The following CPNE4 variants were observed in gnomAD, a reference collection of about 807,000 sequenced individuals.
CPNE4 encodes the protein copine 4, also known as copine-4.
A neutral mutation model predicts 67.9 loss-of-function variants in CPNE4; 25 were observed. That is an observed-to-expected ratio of 0.37 (90% confidence interval 0.27 to 0.51). The LOEUF is 0.51. Among genes scored for constraint, CPNE4 ranks in the 20% least tolerant of loss-of-function variants. The pLI, the probability that CPNE4 is intolerant of heterozygous loss-of-function variation, is 0.93. For missense variants in CPNE4, 464 were observed against 690.8 expected (o/e 0.67, Z 3.68); for synonymous variants, 242 against 244.9 (o/e 0.99, Z 0.11).
intron 1 of CPNE4, among the ~76,000 whole-genome samples, chr3:132,010,317 A>C (rs531106421): frequency 6.6e-6 from 1 of 152,332 alleles, no homozygotes; most frequent in East Asian, 1.9e-4. Context: ...CCAAGCACTG[A>C]TTATTATGGT....
chr3:132,006,951 A>G (rs567003875), intron 1 of CPNE4, among the ~76,000 whole-genome samples: 2 of 152,298 alleles, frequency 1.3e-5, no homozygotes, highest in African/African-American at 4.8e-5. Context: ...GTTGGATGTA[A>G]TTCCCCTGCT....
At position 131,587,483 on chromosome 3, in the gene CPNE4, C is replaced by T. The variant is rs1196269515; in HGVS notation, c.780+1G>A. ...AAAACCAAAAGTGGTTGACCATGTA[C>T]CTGTTTCCCTTCCATTGCTCCTCTC... is the stretch of plus-strand genomic sequence containing the variant. On this transcript the variant is annotated splice_donor_variant, in intron 8 of 15. Transcript: ENST00000429747. LOFTEE classifies it high-confidence loss of function. 6.2e-7 allele frequency: 1 copy of T among 1,611,914 alleles called. No homozygotes were observed. The highest frequency in any genetic ancestry group is 8.5e-7 in the Non-Finnish European group (1 of 1,178,144).
At chr3:131,952,035 T>C (rs1340071716) in intron 1 of CPNE4, among the ~76,000 whole-genome samples, 2 of 147,574 alleles carry the variant, frequency 1.4e-5, no homozygotes, top group African/African-American at 2.5e-5. Context: ...TCGTCTGGGA[T>C]GTGAGGAGCC....
At chr3:131,691,169 A>G (rs1437209126) in intron 5 of CPNE4, among the ~76,000 whole-genome samples, 1 of 152,194 alleles carries the variant, frequency 6.6e-6, no homozygotes, top group Non-Finnish European at 1.5e-5. Flanking sequence ...AGCTTAAAAC[A>G]GAACTACCGT....
chr3:131,927,672 C>A (rs1225046), intron 1 of CPNE4, among the ~76,000 whole-genome samples: 1 of 151,936 alleles, frequency 6.6e-6, no homozygotes, highest in Non-Finnish European at 1.5e-5. Context: ...CTTTTTGTCC[C>A]CTGTGTAAAA....
At chr3:131,795,682 T>G (rs1396531888) in intron 2 of CPNE4, among the ~76,000 whole-genome samples, 1 of 152,198 alleles carries the variant, frequency 6.6e-6, no homozygotes, top group Non-Finnish European at 1.5e-5. Flanking sequence ...TGCTTCACAT[T>G]TGTCATCAGA....
chr3:131,610,265 A>G (rs901620170), intron 7 of CPNE4, among the ~76,000 whole-genome samples: 2 of 152,224 alleles, frequency 1.3e-5, no homozygotes, highest in African/African-American at 2.4e-5. Context: ...AGCAACTACA[A>G]TGCAGCATTG....
intron 2 of CPNE4, among the ~76,000 whole-genome samples, chr3:131,868,059 A>G (rs1295781570): frequency 2.6e-5 from 4 of 152,216 alleles, no homozygotes; most frequent in African/African-American, 9.7e-5. Flanking sequence ...ACTGCCAAAA[A>G]TACAGGATTT....
At chr3:131,561,936 C>T (rs755639746) in intron 11 of CPNE4, among the ~76,000 whole-genome samples, 31 of 151,998 alleles carry the variant, frequency 2.0e-4, no homozygotes, top group Non-Finnish European at 3.7e-4. Context: ...TGGAGTTTTT[C>T]AATCCTCCTT....
At chr3:131,671,521 C>T (rs920069011) in intron 6 of CPNE4, among the ~76,000 whole-genome samples, 2 of 150,900 alleles carry the variant, frequency 1.3e-5, no homozygotes, top group African/African-American at 4.9e-5. Flanking sequence ...AGCAGTTTTG[C>T]CTGGTATTTA....
chr3:131,794,279 C>T lies in CPNE4; in HGVS notation c.181-70654G>A, dbSNP rs2083860382. 3.3e-5 allele frequency among the ~76,000 whole-genome samples: 5 copies of T among 149,992 alleles called. No homozygotes were observed. In the South Asian group the frequency reaches 1.0e-3, roughly 31 times the overall value. ...TTTTAGATGGAGTCTTGCTGTGTTG[C>T]CAGGCTGGAGTGCAGTGGCATCATC... On this transcript the variant is annotated intron_variant, in intron 2 of 15. Transcript: ENST00000429747.
intron 11 of CPNE4, among the ~76,000 whole-genome samples, chr3:131,557,596 C>T (rs1238895499): frequency 6.6e-6 from 1 of 152,066 alleles, no homozygotes. Context: ...ACTCCCACTT[C>T]TCCTCACTGT....
intron 2 of CPNE4, among the ~76,000 whole-genome samples, chr3:131,763,838 T>C (rs1239962560): frequency 1.2e-4 from 18 of 152,126 alleles, no homozygotes; most frequent in Admixed American, 1.2e-3. Context: ...AAAGCAGAAT[T>C]TTCTGTAATA....
intron 1 of CPNE4, among the ~76,000 whole-genome samples, chr3:132,015,541 T>C (rs12491874): frequency 0.24 from 36,701 of 151,966 alleles, 4,646 homozygotes; most frequent in East Asian, 0.39. Context: ...CCAACACATA[T>C]ATCATATACG....
chr3:131,593,576 G>T (rs994707921), intron 7 of CPNE4, among the ~76,000 whole-genome samples: 1 of 152,080 alleles, frequency 6.6e-6, no homozygotes, highest in African/African-American at 2.4e-5. Context: ...TCGTGAAGCC[G>T]TTAGGGTTTT....
intron 2 of CPNE4, among the ~76,000 whole-genome samples, chr3:131,868,146 T>C (rs1285744834): frequency 6.6e-6 from 1 of 152,152 alleles, no homozygotes; most frequent in South Asian, 2.1e-4. Context: ...GTAGCAAAGA[T>C]TTGTTAATTG....
At chr3:131,694,848 C>A (rs1405191177) in intron 5 of CPNE4, among the ~76,000 whole-genome samples, 1 of 152,196 alleles carries the variant, frequency 6.6e-6, no homozygotes, top group African/African-American at 2.4e-5. Context: ...TCATAGACAG[C>A]AGAACTGCCC....
At chr3:131,647,862 T>C (rs2079705496) in intron 7 of CPNE4, among the ~76,000 whole-genome samples, 1 of 152,164 alleles carries the variant, frequency 6.6e-6, no homozygotes, top group African/African-American at 2.4e-5. Flanking sequence ...TCCAAATGAC[T>C]CCTTTGCTCT....
intron 2 of CPNE4, among the ~76,000 whole-genome samples, chr3:131,868,398 T>C (rs1050628082): frequency 1.3e-5 from 2 of 152,208 alleles, no homozygotes; most frequent in South Asian, 2.1e-4. Context: ...GTGGAGCTCA[T>C]GTAGATCTTG....
Sources: allele counts gnomAD v4.1 joint callset (sites outside exome capture counted in the v4.1 genomes callset), GRCh38; gene constraint gnomAD v4.1.1; transcripts MANE v1.5; gene names NCBI Gene and HGNC (gene_info 2026-07-23, HGNC 2026-07-21).